Variants in NLGN1 observed in about 807,000 individuals in gnomAD.
NLGN1 encodes the protein neuroligin-1.
Under a neutral mutation model 65.5 loss-of-function variants are expected in NLGN1, and 12 were observed. The observed-to-expected ratio is 0.18, with a 90% CI of 0.12 to 0.30. The LOEUF (loss-of-function observed/expected upper bound fraction) is 0.30, where lower values mean the gene tolerates loss of function less well. Among genes scored for constraint, NLGN1 ranks in the 10% least tolerant of loss-of-function variants. NLGN1 has a pLI of 1.00. For missense variants in NLGN1, 750 were observed against 1,007.1 expected, an observed-to-expected ratio of 0.74 and a Z score of 3.46; for synonymous variants, 350 against 359.5, an observed-to-expected ratio of 0.97 and a Z score of 0.30.
chr3:173,634,994 CTA>C (rs1355904821), intron 3 of NLGN1, among the ~76,000 whole-genome samples: 2 of 152,016 alleles, frequency 1.3e-5, no homozygotes, highest in East Asian at 3.9e-4. Flanking sequence ...GTTAGGTTAA[CTA>C]AATTTTTAAT....
At chr3:174,023,560 A>G (rs1665822819) in intron 4 of NLGN1, among the ~76,000 whole-genome samples, 1 of 152,118 alleles carries the variant, frequency 6.6e-6, no homozygotes, top group Non-Finnish European at 1.5e-5. Flanking sequence ...CCATCATCTC[A>G]GTGTGGGGAG....
At chr3:173,472,946 T>G (rs1386843550) in intron 2 of NLGN1, among the ~76,000 whole-genome samples, 1 of 152,154 alleles carries the variant, frequency 6.6e-6, no homozygotes, top group Non-Finnish European at 1.5e-5. Flanking sequence ...AATTAAACAG[T>G]GTTGGCCTAT....
chr3:173,862,681 A>T (rs1001712406), intron 4 of NLGN1, among the ~76,000 whole-genome samples: 3 of 152,064 alleles, frequency 2.0e-5, no homozygotes, highest in Admixed American at 2.0e-4. Context: ...TTTAGACAGC[A>T]TTTTATTTTG....
chr3:173,487,933 TG>T (rs1367120792), intron 2 of NLGN1, among the ~76,000 whole-genome samples: 1 of 152,020 alleles, frequency 6.6e-6, no homozygotes, highest in Non-Finnish European at 1.5e-5. Flanking sequence ...CTATTTATTT[TG>T]GTTACTGATC....
upstream of NLGN1, among the ~76,000 whole-genome samples, chr3:173,397,521 G>A (rs1196839492): frequency 6.6e-6 from 1 of 151,948 alleles, no homozygotes; most frequent in Non-Finnish European, 1.5e-5. Context: ...CCTGGTGGGC[G>A]TTCTCTCCCC....
intron 4 of NLGN1, among the ~76,000 whole-genome samples, chr3:174,152,654 A>C (rs1051180806): frequency 6.6e-6 from 1 of 151,796 alleles, no homozygotes; most frequent in Admixed American, 6.6e-5. Flanking sequence ...ATAAAAATAT[A>C]TATATAAAAT....
chr3:174,032,435 ACCATTG>A (rs1184083169), intron 4 of NLGN1, among the ~76,000 whole-genome samples: 7 of 152,344 alleles, frequency 4.6e-5, no homozygotes, highest in African/African-American at 1.7e-4. Flanking sequence ...AAGTTTGATA[ACCATTG>A]GTGTACAAGC....
downstream of NLGN1, among the ~76,000 whole-genome samples, chr3:174,289,836 A>G (rs1752528710): frequency 6.7e-6 from 1 of 149,638 alleles, no homozygotes; most frequent in East Asian, 2.0e-4. Context: ...ATCTCTACAA[A>G]TATGTCATTC....
chr3:173,537,483 A>AGTGT (rs35226730), intron 2 of NLGN1, among the ~76,000 whole-genome samples: 12,440 of 148,974 alleles, frequency 0.084, 910 homozygotes, highest in African/African-American at 0.22. Context: ...GTATTTGCTT[A>AGTGT]GTGTGTGTGT....
intron 3 of NLGN1, among the ~76,000 whole-genome samples, chr3:173,606,394 A>T (rs1240680498): frequency 6.6e-6 from 1 of 152,010 alleles, no homozygotes; most frequent in Admixed American, 6.6e-5. Context: ...TCAGTAAATC[A>T]CTCATAGGAG....
chr3:173,945,071 C>T (rs1746900692), intron 4 of NLGN1, among the ~76,000 whole-genome samples: 1 of 151,962 alleles, frequency 6.6e-6, no homozygotes, highest in Admixed American at 6.6e-5. Context: ...TGCTTTCTTC[C>T]AATCTGGGCT....
chr3:174,022,666 C>CT (rs1426874679), intron 4 of NLGN1, among the ~76,000 whole-genome samples: 3 of 152,044 alleles, frequency 2.0e-5, no homozygotes, highest in Non-Finnish European at 4.4e-5. Flanking sequence ...GTCAGAATGA[C>CT]TATTTTGGGG....
chr3:173,502,156 T>G (rs1182743868), intron 2 of NLGN1, among the ~76,000 whole-genome samples: 1 of 152,130 alleles, frequency 6.6e-6, no homozygotes, highest in African/African-American at 2.4e-5. Context: ...GTAGTTCATT[T>G]TGACAACAAT....
intron 1 of NLGN1, among the ~76,000 whole-genome samples, chr3:173,430,838 G>A (rs886252487): frequency 6.6e-6 from 1 of 152,144 alleles, no homozygotes; most frequent in African/African-American, 2.4e-5. Flanking sequence ...TCTATCATGA[G>A]CAGAAACTTC....
intron 4 of NLGN1, among the ~76,000 whole-genome samples, chr3:174,071,012 G>A (rs1228089163): frequency 2.0e-5 from 3 of 151,978 alleles, no homozygotes; most frequent in Non-Finnish European, 2.9e-5. Context: ...TCATGATCAC[G>A]CCACTGTACT....
At chr3:174,290,062 A>G (rs1326727189), downstream of NLGN1, among the ~76,000 whole-genome samples, 1 of 149,846 alleles carries the variant, frequency 6.7e-6, no homozygotes, top group Non-Finnish European at 1.5e-5. Context: ...AGGAGAAAAT[A>G]GAAGATAAAA....
At chr3:174,229,315 T>A (rs1740275509) in intron 4 of NLGN1, among the ~76,000 whole-genome samples, 1 of 152,072 alleles carries the variant, frequency 6.6e-6, no homozygotes, top group Non-Finnish European at 1.5e-5. Flanking sequence ...TTGTGCAAGT[T>A]TTTTTAAAAT....
At chr3:174,201,242 C>T (rs933002082) in intron 4 of NLGN1, among the ~76,000 whole-genome samples, 1 of 145,894 alleles carries the variant, frequency 6.9e-6, no homozygotes, top group Non-Finnish European at 1.5e-5. Flanking sequence ...AACCCTCTTT[C>T]GAAAAGAACA....
chr3:174,060,093 A>C (rs1000928480), intron 4 of NLGN1, among the ~76,000 whole-genome samples: 1 of 152,140 alleles, frequency 6.6e-6, no homozygotes, highest in Non-Finnish European at 1.5e-5. Context: ...CTAAATTCAG[A>C]GACTTTTTAC....
Sources: gnomAD v4.1 joint callset for allele counts (sites outside exome capture counted in the v4.1 genomes callset) on GRCh38, gnomAD v4.1.1 for gene constraint, MANE v1.5 for transcripts, NCBI Gene and HGNC (gene_info 2026-07-23, HGNC 2026-07-21) for gene names.